PCDH9: variants seen among roughly 807,000 people sequenced by gnomAD.
PCDH9 encodes protocadherin 9.
PCDH9 carries 24 observed loss-of-function variants against 70.6 expected under a neutral mutation model. The ratio of observed to expected loss-of-function variants is 0.34; its 90% CI spans 0.25 to 0.48. The LOEUF is 0.48. Ranked by LOEUF, PCDH9 falls within the 20% of genes least tolerant of loss-of-function variation. The pLI is 0.99. For missense variants in PCDH9, 1,281 were observed against 1,503.6 expected, an observed-to-expected ratio of 0.85 and a Z score of 2.45; for synonymous variants, 562 against 558.5, an observed-to-expected ratio of 1.01 and a Z score of -0.09.
intron 4 of PCDH9, among the ~76,000 whole-genome samples, chr13:66,562,940 C>A (rs1035538567): frequency 6.6e-6 from 1 of 152,026 alleles, no homozygotes; most frequent in Non-Finnish European, 1.5e-5. Flanking sequence ...TAATGTGCTG[C>A]ACATACATAT....
intron 2 of PCDH9, among the ~76,000 whole-genome samples, chr13:66,981,781 T>C (rs1054524956): frequency 6.6e-6 from 1 of 152,150 alleles, no homozygotes; most frequent in African/African-American, 2.4e-5. Context: ...TTATTAAAAA[T>C]GTTATTAAAT....
Position 67,049,281 on chromosome 13 carries a change from A to G in PCDH9, c.3037-145676T>C, listed in dbSNP as rs372021295. Among the ~76,000 whole-genome samples the G allele has an allele frequency of 2.3e-4, 35 of 152,310 alleles. No individual in the cohort carries two copies. In the East Asian group the frequency reaches 6.0e-3, roughly 26 times the overall value. On this transcript the variant is annotated intron_variant, in intron 2 of 4. Transcript: ENST00000377865. Reference sequence around the variant, plus strand: ...ATAATCTTGAGCACATCATTTATACAGTTCTGATTAATGTTTTATGAGGAT... The same window carrying G: ...ATAATCTTGAGCACATCATTTATACGGTTCTGATTAATGTTTTATGAGGAT...
chr13:66,571,996 C>T (rs2076739264), intron 4 of PCDH9, among the ~76,000 whole-genome samples: 1 of 151,228 alleles, frequency 6.6e-6, no homozygotes, highest in African/African-American at 2.4e-5. Flanking sequence ...GACATTGTGT[C>T]ACAATGGAAA....
At chr13:66,763,165 A>AAT (rs71782312) in intron 3 of PCDH9, among the ~76,000 whole-genome samples, 4 of 151,704 alleles carry the variant, frequency 2.6e-5, no homozygotes, top group Non-Finnish European at 5.9e-5. Context: ...GGTATTTACA[A>AAT]ATATATATAT....
At chr13:66,895,841 T>C (rs1456770889) in intron 3 of PCDH9, among the ~76,000 whole-genome samples, 1 of 152,234 alleles carries the variant, frequency 6.6e-6, no homozygotes, top group African/African-American at 2.4e-5. Flanking sequence ...GAAGATACTA[T>C]GGTTGTCATT....
intron 2 of PCDH9, among the ~76,000 whole-genome samples, chr13:66,912,779 A>G (rs184837918): frequency 7.2e-5 from 11 of 152,212 alleles, no homozygotes; most frequent in Admixed American, 6.6e-4. Context: ...TGTAATACTT[A>G]GCATAAATGC....
intron 3 of PCDH9, among the ~76,000 whole-genome samples, chr13:66,809,781 C>CAAAAAAAAAA (rs11385936): frequency 6.6e-6 from 1 of 151,496 alleles, no homozygotes; most frequent in Non-Finnish European, 1.5e-5. Context: ...TAGTACTTGG[C>CAAAAAAAAAA]AAAAAAAAGA....
intron 3 of PCDH9, among the ~76,000 whole-genome samples, chr13:66,726,648 C>T (rs2079009273): frequency 6.6e-6 from 1 of 152,136 alleles, no homozygotes; most frequent in African/African-American, 2.4e-5. Context: ...TCTTGCAATG[C>T]TTGAAGTAGC....
chr13:66,810,073 G>A (rs889254491), intron 3 of PCDH9, among the ~76,000 whole-genome samples: 6 of 152,014 alleles, frequency 3.9e-5, no homozygotes, highest in African/African-American at 1.4e-4. Flanking sequence ...TATGTTTGTG[G>A]AATTATACTT....
chr13:67,110,346 C>A (rs556065164), intron 2 of PCDH9, among the ~76,000 whole-genome samples: 1 of 151,486 alleles, frequency 6.6e-6, no homozygotes, highest in East Asian at 1.9e-4. Context: ...GAAACCCCGT[C>A]TCCACTAAAA....
intron 3 of PCDH9, among the ~76,000 whole-genome samples, chr13:66,737,075 G>A (rs2079161076): frequency 6.6e-6 from 1 of 152,132 alleles, no homozygotes; most frequent in Non-Finnish European, 1.5e-5. Flanking sequence ...CAAAAATAAT[G>A]TGGAGTTAAT....
chr13:66,956,236 G>A (rs973307087), intron 2 of PCDH9, among the ~76,000 whole-genome samples: 1 of 152,134 alleles, frequency 6.6e-6, no homozygotes, highest in Non-Finnish European at 1.5e-5. Flanking sequence ...CGAATATATG[G>A]TTAATTGTGG....
intron 2 of PCDH9, chr13:67,223,376 A>C (rs2089776629): frequency 6.6e-6 from 1 of 152,198 alleles, no homozygotes; most frequent in Admixed American, 6.5e-5. Context: ...ACGTATAGAC[A>C]GAAAAAAAGA....
Position 66,934,513 on chromosome 13 carries a change from C to G in PCDH9, c.3037-30908G>C, listed in dbSNP as rs1219584139. ...CCAAGATCACACCATTGCACTCCAC[C>G]CTGGGTGACAATAGTGAAACTCAGT... On this transcript the variant is annotated intron_variant, in intron 2 of 4. Coordinates refer to ENST00000377865, the MANE Select transcript of PCDH9 (RefSeq NM_203487.3). Among the ~76,000 whole-genome samples the G allele has an allele frequency of 2.2e-5, 3 of 135,384 alleles. No homozygotes were observed. In the East Asian group the frequency reaches 7.0e-4, roughly 32 times the overall value. 88.8% of individuals were successfully genotyped at this position (135,384 alleles called of 152,430 possible).
At chr13:66,391,459 G>A (rs1212203767) in intron 4 of PCDH9, among the ~76,000 whole-genome samples, 1 of 152,128 alleles carries the variant, frequency 6.6e-6, no homozygotes, top group Non-Finnish European at 1.5e-5. Context: ...GCACCCAAGT[G>A]TCAACAAGTG....
At chr13:66,814,076 G>A (rs1415776146) in intron 3 of PCDH9, among the ~76,000 whole-genome samples, 1 of 152,068 alleles carries the variant, frequency 6.6e-6, no homozygotes, top group Non-Finnish European at 1.5e-5. Flanking sequence ...TTATCCACTG[G>A]GGACAGGAAA....
intron 2 of PCDH9, among the ~76,000 whole-genome samples, chr13:67,190,987 C>T (rs997854603): frequency 6.6e-6 from 1 of 152,042 alleles, no homozygotes. Context: ...AATGATTGCA[C>T]AAGAAGTTCT....
At chr13:66,655,910 C>T (rs1183148842) in intron 3 of PCDH9, among the ~76,000 whole-genome samples, 1 of 152,084 alleles carries the variant, frequency 6.6e-6, no homozygotes, top group Admixed American at 6.6e-5. Context: ...TTATAAGGAT[C>T]GTTATAAAAA....
intron 4 of PCDH9, among the ~76,000 whole-genome samples, chr13:66,414,129 T>G (rs1957422673): frequency 6.6e-6 from 1 of 152,202 alleles, no homozygotes; most frequent in Admixed American, 6.5e-5. Context: ...GACATGTATT[T>G]TATGTAGTTC....
Sources: gnomAD v4.1 joint callset for allele counts (sites outside exome capture counted in the v4.1 genomes callset) on GRCh38, gnomAD v4.1.1 for gene constraint, MANE v1.5 for transcripts, NCBI Gene and HGNC (gene_info 2026-07-23, HGNC 2026-07-21) for gene names.